ITPR1: variants seen among roughly 807,000 people sequenced by gnomAD.
ITPR1 encodes inositol 1,4,5-trisphosphate receptor type 1.
ITPR1 carries 96 observed loss-of-function variants against 318.4 expected under a neutral mutation model. The ratio of observed to expected loss-of-function variants is 0.30; its 90% confidence interval spans 0.26 to 0.36. The LOEUF is 0.36. Among genes scored for constraint, ITPR1 ranks in the 10% least tolerant of loss-of-function variants. The probability of loss-of-function intolerance (pLI) is 1.00; values close to 1 mark genes in which losing one functional copy is unlikely to be tolerated. For missense variants in ITPR1, 2,440 were observed against 3,460.2 expected (o/e 0.71, Z 7.40); for synonymous variants, 1,312 against 1,289.9 (o/e 1.02, Z -0.37).
chr3:4,702,187 T>C (rs1230326518), intron 35 of ITPR1, among the ~76,000 whole-genome samples: 1 of 152,216 alleles, frequency 6.6e-6, no homozygotes, highest in Non-Finnish European at 1.5e-5. Context: ...AAAATGAGTA[T>C]AAATTTATAC....
Position 4,813,222 on chromosome 3 carries a change from G to A in ITPR1, c.7549G>A (p.Ala2517Thr), listed in dbSNP as rs1216503063. The A allele has an allele frequency of 6.2e-7, 1 of 1,610,390 alleles. No homozygotes were observed. The highest frequency in any genetic ancestry group is 8.5e-7 in the Non-Finnish European group (1 of 1,177,266). Reference sequence around the variant, plus strand: ...GAGTGGGGAGAACTGCTCCTCTCCTGCACCCAGAGAAGGTAGGACCTCCTA... The same window carrying A: ...GAGTGGGGAGAACTGCTCCTCTCCTACACCCAGAGAAGGTAGGACCTCCTA... ...VESGENCSSP[A>T]PREELVPAEE... Residue 2517 changes from alanine (A) to threonine (T), a missense_variant, in exon 57 of 62, where the codon GCA becomes ACA. Around this residue, in one of 23 missense-constraint regions of ITPR1, gnomAD observed 88 missense variants for 90.5 expected, o/e 0.97. Coordinates refer to ENST00000649015, the MANE Select transcript of ITPR1 (RefSeq NM_001378452.1).
At chr3:4,790,965 A>G (rs2047516924) in intron 52 of ITPR1, among the ~76,000 whole-genome samples, 1 of 152,234 alleles carries the variant, frequency 6.6e-6, no homozygotes, top group African/African-American at 2.4e-5. Context: ...GGCTAGGAAA[A>G]TGAGAAGAGA....
At position 4,739,322 on chromosome 3, in the gene ITPR1, C is replaced by G. The variant is rs566999351; in HGVS notation, c.5544+3968C>G. 5.2e-4 allele frequency among the ~76,000 whole-genome samples: 79 copies of G among 152,262 alleles called. 1 individual carries two copies. The South Asian group carries it at 7.7e-3, about 15-fold the overall frequency. On this transcript the variant is annotated intron_variant, in intron 44 of 61. Coordinates refer to ENST00000649015, the MANE Select transcript of ITPR1 (RefSeq NM_001378452.1). ...TGGTGGAGCACGGTCACTTCCTGTTCGGTGCACCATGGAGGGTCTCAGGAA... is the reference window on the plus strand; with the variant it reads ...TGGTGGAGCACGGTCACTTCCTGTTGGGTGCACCATGGAGGGTCTCAGGAA...
In ITPR1 at chr3:4,581,947, G is replaced by A. The variant is rs146349280; in HGVS notation, c.164-45816G>A. The stretch of plus-strand genomic sequence containing the variant: ...TTTTGTGAGTTTTATTTTTTTTTAG[G>A]ATTTTTTTTTTTTAAAAAGGAAAAT... On this transcript the variant is annotated intron_variant, in intron 4 of 61. Coordinates refer to ENST00000649015, the MANE Select transcript of ITPR1 (RefSeq NM_001378452.1). Among the ~76,000 whole-genome samples the A allele has an allele frequency of 6.3e-5, 9 of 143,438 alleles. No individual in the cohort carries two copies. In the East Asian group the frequency reaches 2.1e-3, roughly 34 times the overall value. 94.1% of individuals were successfully genotyped at this position (143,438 alleles called of 152,430 possible).
chr3:4,676,702 C>A lies in ITPR1; in HGVS notation c.2868C>A (p.Pro956=). ...LRGGGFLPMT[P]MAAAPEGNVK... ...GAGGAGGCTTTTTGCCCATGACTCC[C>A]ATGGCTGCTGCCCCTGAAGGCAATG... is the stretch of plus-strand genomic sequence containing the variant. Residue 956 remains proline (P), a synonymous_variant, in exon 24 of 62, where the codon CCC becomes CCA. Coordinates refer to ENST00000649015, the MANE Select transcript of ITPR1 (RefSeq NM_001378452.1). 2 of 1,613,722 alleles carry A rather than the reference C, an allele frequency of 1.2e-6. No individual in the cohort carries two copies. Among genetic ancestry groups the A allele is most frequent in the Non-Finnish European group, 1.7e-6 (2 of 1,179,782 alleles).
chr3:4,571,971 G>A (rs79113621), intron 4 of ITPR1, among the ~76,000 whole-genome samples: 4,665 of 152,194 alleles, frequency 0.031, 133 homozygotes, highest in East Asian at 0.14. Flanking sequence ...TGAATTTAGG[G>A]ATATGAATTA....
rs566244291 is a variant in ITPR1 at position 4,613,158 on chromosome 3, A to G, written c.164-14605A>G. ...TGGTTGGGTCCAGTAATTTGGGACAACTCAAAGTGGGGGCTTCCAGGTTAG... is the reference window on the plus strand; with the variant it reads ...TGGTTGGGTCCAGTAATTTGGGACAGCTCAAAGTGGGGGCTTCCAGGTTAG... On this transcript the variant is annotated intron_variant, in intron 4 of 61. Coordinates refer to ENST00000649015, the MANE Select transcript of ITPR1 (RefSeq NM_001378452.1). Among the ~76,000 whole-genome samples, 4 of 152,304 alleles carry G rather than the reference A, an allele frequency of 2.6e-5. No homozygotes were observed. The South Asian group carries it at 6.2e-4, about 24-fold the overall frequency.
chr3:4,728,322 A>G lies in ITPR1; in HGVS notation c.5220+1149A>G, dbSNP rs2042668286. Among the ~76,000 whole-genome samples, 3 of 152,316 alleles carry G rather than the reference A, an allele frequency of 2.0e-5. No homozygotes were observed. In the South Asian group the frequency reaches 6.2e-4, roughly 32 times the overall value. ...TCCTGGTGACACAGGCTTCATCCGC[A>G]TTTCACAAGTAGGACCTTGAGACTC... is the stretch of plus-strand genomic sequence containing the variant. On this transcript the variant is annotated intron_variant, in intron 42 of 61. Transcript: ENST00000649015.
At chr3:4,816,981 G>A (rs576307949) in intron 59 of ITPR1, among the ~76,000 whole-genome samples, 2 of 152,174 alleles carry the variant, frequency 1.3e-5, no homozygotes, top group Admixed American at 6.5e-5. Flanking sequence ...GTTTGTATTT[G>A]TAACTACATG....
intron 2 of ITPR1, among the ~76,000 whole-genome samples, chr3:4,509,213 T>G (rs1035569061): frequency 6.6e-6 from 1 of 152,206 alleles, no homozygotes; most frequent in African/African-American, 2.4e-5. Context: ...TTATGGAAGT[T>G]GCTTAAGGAC....
intron 30 of ITPR1, among the ~76,000 whole-genome samples, chr3:4,686,455 A>C (rs2094396168): frequency 1.3e-5 from 2 of 152,318 alleles, no homozygotes; most frequent in Middle Eastern, 6.8e-3. Context: ...AAGCTGATCT[A>C]CTTCCTTGTG....
rs9832246 is a variant in ITPR1 at position 4,627,431 on chromosome 3, T to C, written c.164-332T>C. Among the ~76,000 whole-genome samples the C allele has an allele frequency of 0.18, 27,485 of 151,942 alleles. 5,350 individuals carry two copies. Among genetic ancestry groups the C allele is most frequent in the African/African-American group, 0.49 (20,201 of 41,352 alleles). Reference sequence around the variant, plus strand: ...GTGAGCCGAGGTTGTGCCACTGCACTCCAGTCTGGGTGACAGAGGGAGACT... The same window carrying C: ...GTGAGCCGAGGTTGTGCCACTGCACCCCAGTCTGGGTGACAGAGGGAGACT... On this transcript the variant is annotated intron_variant, in intron 4 of 61. Transcript: ENST00000649015.
chr3:4,691,397 A>T lies in ITPR1; in HGVS notation c.4029+53A>T, dbSNP rs187414904. On this transcript the variant is annotated intron_variant, in intron 32 of 61. Coordinates refer to ENST00000649015, the MANE Select transcript of ITPR1 (RefSeq NM_001378452.1). ...CCATCTGGTGTTCTGTAGAAATTTT[A>T]AAATTATTTAATCTTATCTGTATGA... 5.5e-5 allele frequency: 69 copies of T among 1,265,818 alleles called. No homozygotes were observed. The East Asian group carries it at 1.6e-3, about 29-fold the overall frequency. The allele number at this position is 1,265,818 out of a possible 1,614,324, so 78.4% of individuals were successfully genotyped here. A position where few individuals can be genotyped will look rare whatever the true frequency, so the allele number is the denominator to read the frequency against.
chr3:4,681,984 G>A (rs1412501117), intron 26 of ITPR1, among the ~76,000 whole-genome samples: 1 of 152,076 alleles, frequency 6.6e-6, no homozygotes, highest in Non-Finnish European at 1.5e-5. Flanking sequence ...ATACCTCCAA[G>A]TATAAAATTT....
intron 4 of ITPR1, among the ~76,000 whole-genome samples, chr3:4,576,489 G>A (rs2088676539): frequency 6.6e-6 from 1 of 152,182 alleles, no homozygotes; most frequent in Admixed American, 6.5e-5. Context: ...GGGAGAGAGG[G>A]CAGGATTGGT....
chr3:4,666,550 G>T (rs1413526904), intron 17 of ITPR1, among the ~76,000 whole-genome samples: 5 of 152,146 alleles, frequency 3.3e-5, no homozygotes, highest in Admixed American at 2.0e-4. Flanking sequence ...TTACCAGTTG[G>T]CAGATGATAA....
At chr3:4,838,454 C>T (rs937820766) in intron 61 of ITPR1, among the ~76,000 whole-genome samples, 4 of 151,682 alleles carry the variant, frequency 2.6e-5, no homozygotes, top group African/African-American at 9.7e-5. Flanking sequence ...AACTTCTTTA[C>T]ACATCCAGCA....
intron 51 of ITPR1, among the ~76,000 whole-genome samples, chr3:4,785,695 T>A (rs1414144396): frequency 6.6e-6 from 1 of 152,308 alleles, no homozygotes; most frequent in East Asian, 1.9e-4. Context: ...CCTTGGAGAT[T>A]ATCTCATTGA....
At chr3:4,676,518 TA>T (rs1209821293) in intron 23 of ITPR1, 95 bp from the exon 24 acceptor site, 8 of 852,168 alleles carry the variant, frequency 9.4e-6, no homozygotes, top group African/African-American at 1.7e-5. Flanking sequence ...AGGGATATGT[TA>T]AATAATTTCT....
Sources: gnomAD v4.1 joint callset for allele counts (sites outside exome capture counted in the v4.1 genomes callset) on GRCh38, gnomAD v4.1.1 for gene constraint, gnomAD v4.1.1 regional missense constraint, MANE v1.5 for transcripts, NCBI Gene and HGNC (gene_info 2026-07-23, HGNC 2026-07-21) for gene names.